Variants in PPM1H observed in about 807,000 individuals in gnomAD.
The protein encoded by PPM1H is protein phosphatase, Mg2+/Mn2+ dependent 1H.
A neutral mutation model predicts 54.9 loss-of-function variants in PPM1H; 27 were observed. The ratio of observed to expected loss-of-function variants is 0.49; its 90% CI spans 0.36 to 0.68. The LOEUF (loss-of-function observed/expected upper bound fraction) is 0.68, where lower values mean the gene tolerates loss of function less well. Among genes scored for constraint, PPM1H ranks in the 30% least tolerant of loss-of-function variants. The pLI, the probability that PPM1H is intolerant of heterozygous loss-of-function variation, is 0.00. For synonymous variants in PPM1H, 305 were observed against 270.8 expected (o/e 1.13, Z -1.24); for missense variants, 596 against 667.8 (o/e 0.89, Z 1.19).
At chr12:62,736,123 G>C (rs1180293157) in intron 5 of PPM1H, among the ~76,000 whole-genome samples, 2 of 152,340 alleles carry the variant, frequency 1.3e-5, no homozygotes, top group East Asian at 3.9e-4. Context: ...GTGGAATAGA[G>C]TGGAGAAAGC....
At chr12:62,853,871 C>T (rs1440651029) in intron 1 of PPM1H, among the ~76,000 whole-genome samples, 1 of 152,090 alleles carries the variant, frequency 6.6e-6, no homozygotes, top group Non-Finnish European at 1.5e-5. Flanking sequence ...GTTCCAAAGT[C>T]AAGTGCACTG....
chr12:62,869,810 C>T (rs1869916101), intron 1 of PPM1H, among the ~76,000 whole-genome samples: 1 of 152,144 alleles, frequency 6.6e-6, no homozygotes. Flanking sequence ...TCTTCAAACA[C>T]ATCATAATAT....
chr12:62,830,940 G>A (rs79632304), intron 2 of PPM1H, among the ~76,000 whole-genome samples: 43,070 of 151,422 alleles, frequency 0.28, 7,679 homozygotes, highest in African/African-American at 0.5. Context: ...TGCAAGCTCT[G>A]CCTCCTGGGT....
intron 9 of PPM1H, among the ~76,000 whole-genome samples, chr12:62,654,993 G>A (rs970436742): frequency 7.9e-5 from 12 of 152,146 alleles, no homozygotes; most frequent in Admixed American, 5.2e-4. Flanking sequence ...ATCCCTCCTT[G>A]TCCAAGAGCA....
At chr12:62,747,726 A>G (rs572232081) in intron 4 of PPM1H, among the ~76,000 whole-genome samples, 1 of 152,358 alleles carries the variant, frequency 6.6e-6, no homozygotes, top group South Asian at 2.1e-4. Context: ...TTAAAACCAG[A>G]CAAAATCCCA....
chr12:62,849,495 AC>A (rs1397059657), intron 1 of PPM1H, among the ~76,000 whole-genome samples: 2 of 152,118 alleles, frequency 1.3e-5, no homozygotes, highest in East Asian at 3.9e-4. Context: ...TTCACCCACT[AC>A]CCTATGCAGC....
At chr12:62,908,420 A>AG (rs1871363956) in intron 1 of PPM1H, among the ~76,000 whole-genome samples, 1 of 150,362 alleles carries the variant, frequency 6.7e-6, no homozygotes, top group Non-Finnish European at 1.5e-5. Flanking sequence ...AAAAAAAAAA[A>AG]AAAAAGAAAG....
At chr12:62,815,491 C>A (rs61921193) in intron 2 of PPM1H, among the ~76,000 whole-genome samples, 2 of 152,050 alleles carry the variant, frequency 1.3e-5, no homozygotes, top group Non-Finnish European at 2.9e-5. Flanking sequence ...AGAATCAACT[C>A]GAGAATATTC....
rs569154216 is a variant in PPM1H, at chr12:62,694,059, T to C, written c.1074-60A>G. ...GCACTCAATTAGTGACCTGCTGCCC[T>C]GACACCGACTGCTAGGGATTTCATT... On this transcript the variant is annotated intron_variant, in intron 6 of 9. Transcript: ENST00000228705. 16 of 1,416,210 alleles carry C rather than the reference T, an allele frequency of 1.1e-5. No individual in the cohort carries two copies. The African/African-American group carries it at 1.7e-4, about 15-fold the overall frequency. 87.7% of individuals were successfully genotyped at this position (1,416,210 alleles called of 1,614,324 possible).
At chr12:62,701,669 CTTGT>C (rs1374572319) in intron 6 of PPM1H, among the ~76,000 whole-genome samples, 3 of 150,952 alleles carry the variant, frequency 2.0e-5, no homozygotes, top group South Asian at 2.1e-4. Context: ...CAATGGCTTT[CTTGT>C]TTGTTTGTTT....
intron 4 of PPM1H, among the ~76,000 whole-genome samples, chr12:62,780,123 T>C (rs1160211192): frequency 6.6e-6 from 1 of 152,218 alleles, no homozygotes; most frequent in African/African-American, 2.4e-5. Context: ...ATGGACAAAG[T>C]AAGCCAGCCA....
chr12:62,784,954 C>T (rs2120692855), intron 4 of PPM1H, among the ~76,000 whole-genome samples: 1 of 152,242 alleles, frequency 6.6e-6, no homozygotes, highest in South Asian at 2.1e-4. Flanking sequence ...ACAGAAAACC[C>T]AAATAATCAA....
At chr12:62,821,265 G>A (rs1018959375) in intron 2 of PPM1H, among the ~76,000 whole-genome samples, 1 of 152,160 alleles carries the variant, frequency 6.6e-6, no homozygotes, top group Non-Finnish European at 1.5e-5. Flanking sequence ...AGAAATATGG[G>A]ACTATGTGAA....
chr12:62,688,068 G>T (rs141301037), intron 8 of PPM1H, among the ~76,000 whole-genome samples: 1 of 151,772 alleles, frequency 6.6e-6, no homozygotes, highest in African/African-American at 2.4e-5. Flanking sequence ...AATGCTATTG[G>T]TTCCTGACTT....
chr12:62,755,779 C>T, intron 4 of PPM1H: 1 of 943,816 alleles, frequency 1.1e-6, no homozygotes. Context: ...TCACTGCCAC[C>T]CAGAAGACTG....
intron 3 of PPM1H, among the ~76,000 whole-genome samples, chr12:62,800,864 G>T (rs1218747428): frequency 6.6e-6 from 1 of 152,242 alleles, no homozygotes; most frequent in Non-Finnish European, 1.5e-5. Flanking sequence ...AGGCAGAGGG[G>T]CAGCAAGGGA....
intron 4 of PPM1H, among the ~76,000 whole-genome samples, chr12:62,743,198 C>T (rs1395197281): frequency 6.6e-6 from 1 of 151,894 alleles, no homozygotes; most frequent in Admixed American, 6.6e-5. Context: ...TAAAAAAATA[C>T]AAAAATTAGC....
Position 62,648,271 on chromosome 12 carries a change from G to T in PPM1H, c.*218C>A. 1 of 540,636 alleles carries T rather than the reference G, an allele frequency of 1.8e-6. No individual in the cohort carries two copies. Among genetic ancestry groups the T allele is most frequent in the South Asian group, 2.5e-5 (1 of 39,460 alleles). The allele number at this position is 540,636 out of a possible 1,614,324, so 33.5% of individuals were successfully genotyped here. On this transcript the variant is annotated 3_prime_UTR_variant, in exon 10 of 10. Transcript: ENST00000228705. ...TGAAATACAACAACACTTGGTAGCA[G>T]CCTTTGTGTTTTGCTCTTGTTGAGT...
intron 9 of PPM1H, among the ~76,000 whole-genome samples, chr12:62,650,596 G>A (rs1202174112): frequency 2.0e-5 from 3 of 152,176 alleles, no homozygotes; most frequent in Non-Finnish European, 4.4e-5. Flanking sequence ...CTGAGACTGG[G>A]TAATTTATAA....
Sources: gnomAD v4.1 joint callset for allele counts (sites outside exome capture counted in the v4.1 genomes callset) on GRCh38, gnomAD v4.1.1 for gene constraint, MANE v1.5 for transcripts, NCBI Gene and HGNC (gene_info 2026-07-23, HGNC 2026-07-21) for gene names.